BOP1: variants seen among roughly 807,000 people sequenced by gnomAD.
The protein encoded by BOP1 is BOP1 ribosomal biogenesis factor, also known as ribosome biogenesis protein BOP1.
BOP1 carries 54 observed loss-of-function variants against 82.9 expected under a neutral mutation model. That is an observed-to-expected ratio of 0.65 (90% CI 0.52 to 0.82). The LOEUF (loss-of-function observed/expected upper bound fraction) is 0.82, where lower values mean the gene tolerates loss of function less well. Among genes scored for constraint, BOP1 ranks in the 40% least tolerant of loss-of-function variants. The pLI, the probability that BOP1 is intolerant of heterozygous loss-of-function variation, is 0.00. For missense variants in BOP1, 1,170 were observed against 1,072.0 expected, an observed-to-expected ratio of 1.09 and a Z score of -1.28; for synonymous variants, 566 against 451.1, an observed-to-expected ratio of 1.25 and a Z score of -3.23.
chr8:144,270,461 G>A (rs1439397329), intron 3 of BOP1, among the ~76,000 whole-genome samples: 9 of 152,142 alleles, frequency 5.9e-5, no homozygotes, highest in East Asian at 1.9e-4. Flanking sequence ...CAAGCCCTCC[G>A]CTGCGGGCCT....
At position 144,263,740 on chromosome 8, in the gene BOP1, G is replaced by C; in HGVS notation, c.1243C>G (p.Leu415Val). 13 of 1,580,284 alleles carry C rather than the reference G, an allele frequency of 8.2e-6. No individual in the cohort carries two copies. Among genetic ancestry groups the C allele is most frequent in the Non-Finnish European group, 1.1e-5 (13 of 1,164,468 alleles). The change falls in exon 10 of 16, where the codon CTT becomes GTT. Residue 415 changes from leucine (L) to valine (V), a missense_variant. Physicochemically the swap from Leu to Val is conservative, Grantham distance 32. Coordinates refer to ENST00000569669, the MANE Select transcript of BOP1 (RefSeq NM_015201.5). ...QALVYRGHSD[L>V]VRCLSVSPGG... is the part of the protein sequence containing the mutation. Reference sequence around the variant, plus strand: ...GGAGAGACACTGAGGCACCGGACAAGGTCACTGTGGCCCCTGTAGACCTGA... The same window carrying C: ...GGAGAGACACTGAGGCACCGGACAACGTCACTGTGGCCCCTGTAGACCTGA...
At chr8:144,289,899 TGATA>T (rs1361785304) in intron 1 of BOP1, among the ~76,000 whole-genome samples, 2 of 152,192 alleles carry the variant, frequency 1.3e-5, no homozygotes, top group Non-Finnish European at 2.9e-5. Context: ...GTCACAGGAA[TGATA>T]GAGACTCTAA....
Position 144,263,279 on chromosome 8 carries a change from A to G in BOP1, c.1547T>C (p.Leu516Pro). Residue 516 changes from leucine to proline, a missense_variant, in exon 12 of 16, where the codon CTG becomes CCG. Transcript: ENST00000569669. The stretch of plus-strand genomic sequence containing the variant: ...TTGGCGCTCCTCCTCTGAGGCCTCC[A>G]GCCAGCGGGCCGGCTGCAAGGGGGG... ...EEPPLQPARW[L>P]EASEEERQVG... is the part of the protein sequence containing the mutation. 1 of 1,594,614 alleles carries G rather than the reference A, an allele frequency of 6.3e-7. No homozygotes were observed. Among genetic ancestry groups the G allele is most frequent in the Non-Finnish European group, 8.5e-7 (1 of 1,179,080 alleles).
In BOP1 at chr8:144,289,151, C is replaced by T; in HGVS notation, c.253G>A (p.Ala85Thr). ...DEGDEEGEDG[A>T]LDDEGHSGIK... ...CCACTGTGGCCCTCGTCATCAAGGGCTCCGTCCTCTCCCTCCTCGTCGCCT... is the reference window on the plus strand; with the variant it reads ...CCACTGTGGCCCTCGTCATCAAGGGTTCCGTCCTCTCCCTCCTCGTCGCCT... The change falls in exon 2 of 16, where the codon GCC (alanine) becomes ACC (threonine). Residue 85 changes from alanine (A) to threonine (T), a missense_variant. Transcript: ENST00000569669. 8 of 1,614,174 alleles carry T rather than the reference C, an allele frequency of 5.0e-6. No individual in the cohort carries two copies. The highest frequency in any genetic ancestry group is 5.1e-6 in the Non-Finnish European group (6 of 1,180,032).
chr8:144,291,226 G>A lies in BOP1; in HGVS notation c.99+46C>T, dbSNP rs1554840164. 2.2e-6 allele frequency: 3 copies of A among 1,386,906 alleles called. No homozygotes were observed. Among genetic ancestry groups the A allele is most frequent in the South Asian group, 1.5e-5 (1 of 67,106 alleles). 85.9% of individuals were successfully genotyped at this position (1,386,906 alleles called of 1,614,324 possible). A position where few individuals can be genotyped will look rare whatever the true frequency, so the allele number is the denominator to read the frequency against. The stretch of plus-strand genomic sequence containing the variant: ...GCCCCAGCGCGGCCACGTGCCCGCC[G>A]GGCCCTCTAGGGACGCGCCCCGCCG... On this transcript the variant is annotated intron_variant, in intron 1 of 15. Transcript: ENST00000569669. This position sits in a 1 kb window ranked among gnomAD's most constrained non-coding sequence, Gnocchi z 4.1.
rs1554836771 is a variant in BOP1, at chr8:144,263,230, G to C, written c.1596C>G (p.Cys532Trp). ...ERQVGLRLRI[C>W]HGKPVTQVTW... ...AAGGCGCCCCACGTACCTTCCCGTG[G>C]CAGATGCGCAGCCGCAGGCCCACTT... The change falls in exon 12 of 16, where the codon TGC becomes TGG. Residue 532 changes from cysteine to tryptophan, a missense_variant. Transcript: ENST00000569669. 6.3e-7 allele frequency: 1 copy of C among 1,594,686 alleles called. No homozygotes were observed. Among genetic ancestry groups the C allele is most frequent in the African/African-American group, 1.3e-5 (1 of 74,816 alleles).
chr8:144,264,995 C>T lies in BOP1; in HGVS notation c.467G>A (p.Gly156Asp). The change falls in exon 4 of 16, where the codon GGC becomes GAC. Residue 156 changes from glycine (G) to aspartate (D), a missense_variant. Physicochemically the swap from Gly to Asp is moderately conservative, Grantham distance 94. Transcript: ENST00000569669. ...DFPHVGYDLDGRRIYKPLRTR... is the reference protein window; with the variant it reads ...DFPHVGYDLDDRRIYKPLRTR... ...CCGCAGGGGCTTGTAGATGCGCCTG[C>T]CATCCAGGTCGTAGCCCACGTGGGG... The T allele has an allele frequency of 6.2e-7, 1 of 1,612,408 alleles. No individual in the cohort carries two copies. The highest frequency in any genetic ancestry group is 1.3e-5 in the African/African-American group (1 of 75,020).
intron 3 of BOP1, among the ~76,000 whole-genome samples, chr8:144,273,115 G>T (rs2130231620): frequency 6.6e-6 from 1 of 152,290 alleles, no homozygotes; most frequent in East Asian, 1.9e-4. Context: ...CTGAGCCGAG[G>T]CCGCGCCGCC....
In BOP1 at chr8:144,263,566, G is replaced by A. The variant is rs914506462; in HGVS notation, c.1336C>T (p.Arg446Cys). 3.4e-5 allele frequency: 55 copies of A among 1,602,632 alleles called. No individual in the cohort carries two copies. Among genetic ancestry groups the A allele is most frequent in the East Asian group, 2.5e-4 (11 of 44,864 alleles). The change falls in exon 11 of 16, where the codon CGC becomes TGC. Residue 446 changes from arginine (R) to cysteine (C), a missense_variant. By Grantham distance (180) the Arg-to-Cys change is radical (BLOSUM62 -3). Coordinates refer to ENST00000569669, the MANE Select transcript of BOP1 (RefSeq NM_015201.5). ...SLRLWEVATA[R>C]CVRTVPVGGV... ...CCCACGGGAACAGTCCTCACACAGC[G>A]GGCAGTGGCCACCTCCCAGAGCCGC... is the stretch of plus-strand genomic sequence containing the variant.
chr8:144,264,761 G>T lies in BOP1; in HGVS notation c.616C>A (p.Arg206=). 6.2e-7 allele frequency: 1 copy of T among 1,600,682 alleles called. No homozygotes were observed. Among genetic ancestry groups the T allele is most frequent in the Non-Finnish European group, 8.5e-7 (1 of 1,174,932 alleles). The stretch of plus-strand genomic sequence containing the variant: ...TCCCCAAACTGGCCACTCTGCAGCC[G>T]CCGCACCAGGGCCACCTGCTCATCC... ...LTDEQVALVR[R]LQSGQFGDVG... is the part of the protein sequence containing the mutation. The change falls in exon 5 of 16, where the codon CGG becomes AGG. Residue 206 remains arginine, a synonymous_variant. Coordinates refer to ENST00000569669, the MANE Select transcript of BOP1 (RefSeq NM_015201.5).
At chr8:144,265,780 C>G (rs1462993154) in intron 3 of BOP1, 1 of 153,766 alleles carries the variant, frequency 6.5e-6, no homozygotes, top group Non-Finnish European at 1.4e-5. Context: ...CTTCCCTCTC[C>G]TCCCCATGGA....
Position 144,264,698 on chromosome 8 carries a change from A to G in BOP1, c.663+16T>C. 6.4e-7 allele frequency: 1 copy of G among 1,566,076 alleles called. No individual in the cohort carries two copies. Among genetic ancestry groups the G allele is most frequent in the Non-Finnish European group, 8.6e-7 (1 of 1,156,116 alleles). On this transcript the variant is annotated intron_variant, in intron 5 of 15. Transcript: ENST00000569669. ...CCAGGACCCCCGCCGCCCAGGGGCC[A>G]GCCCCTGCCACCTACCTCATAGGGG...
intron 2 of BOP1, among the ~76,000 whole-genome samples, chr8:144,280,578 C>A (rs371608987): frequency 1.2e-4 from 19 of 152,374 alleles, no homozygotes; most frequent in African/African-American, 4.1e-4. Flanking sequence ...GAAGGCCGGG[C>A]CCAGTGGCTC....
At chr8:144,273,578 C>T (rs1346524357) in intron 3 of BOP1, among the ~76,000 whole-genome samples, 1 of 152,254 alleles carries the variant, frequency 6.6e-6, no homozygotes, top group Non-Finnish European at 1.5e-5. Context: ...CCTGAGCAGC[C>T]ACCCGGCCTC....
chr8:144,272,147 G>A (rs948642126), intron 3 of BOP1, among the ~76,000 whole-genome samples: 3 of 151,982 alleles, frequency 2.0e-5, no homozygotes, highest in Non-Finnish European at 1.5e-5. Flanking sequence ...CACAGGCTTG[G>A]GGCATGACAC....
chr8:144,265,245 C>T, intron 3 of BOP1, 174 bp from the exon 4 acceptor site: 2 of 746,944 alleles, frequency 2.7e-6, no homozygotes, highest in East Asian at 2.7e-5. Flanking sequence ...TCTGACGTGG[C>T]ATGGCGGCCA....
chr8:144,263,599 C>T lies in BOP1; in HGVS notation c.1303G>A (p.Gly435Ser), dbSNP rs933163282. Residue 435 changes from glycine to serine, a missense_variant, in exon 11 of 16, where the codon GGC becomes AGC. Gly to Ser is a moderately conservative substitution (Grantham distance 56). Coordinates refer to ENST00000569669, the MANE Select transcript of BOP1 (RefSeq NM_015201.5). ...GCCACCTCCCAGAGCCGCAGGGAGC[C>T]GTCGTCAGAGCCTGGATGCGGCAGA... ...GQWLVSGSDDGSLRLWEVATA... is the reference protein window; with the variant it reads ...GQWLVSGSDDSSLRLWEVATA... 1.8e-5 allele frequency: 29 copies of T among 1,606,868 alleles called. No individual in the cohort carries two copies. In the East Asian group the frequency reaches 2.9e-4, roughly 16 times the overall value.
rs1845299485 is a variant in BOP1 at position 144,263,990 on chromosome 8, G to C, written c.1131C>G (p.Arg377=). 6.2e-7 allele frequency: 1 copy of C among 1,609,520 alleles called. No homozygotes were observed. Among genetic ancestry groups the C allele is most frequent in the African/African-American group, 1.3e-5 (1 of 74,902 alleles). Residue 377 remains arginine, a synonymous_variant, in exon 8 of 16, where the codon CGC becomes CGG. Coordinates refer to ENST00000569669, the MANE Select transcript of BOP1 (RefSeq NM_015201.5). Reference sequence around the variant, plus strand: ...TGCCACCCCCACACACCCTCATCTTGCGCTGCCGTGGGCACAGGTACAGGT... The same window carrying C: ...TGCCACCCCCACACACCCTCATCTTCCGCTGCCGTGGGCACAGGTACAGGT... The part of the protein sequence containing the change: ...CLDLYLCPRQ[R]KMRVNVDPED...
intron 2 of BOP1, among the ~76,000 whole-genome samples, chr8:144,278,107 C>T (rs924598717): frequency 5.9e-5 from 9 of 152,128 alleles, no homozygotes; most frequent in Non-Finnish European, 1.0e-4. Flanking sequence ...GGGTCGGGCC[C>T]GATGGAGCAC....
Sources: gnomAD v4.1 joint callset for allele counts (sites outside exome capture counted in the v4.1 genomes callset) on GRCh38, gnomAD v4.1.1 for gene constraint, Gnocchi (gnomAD v3.1) non-coding constraint, MANE v1.5 for transcripts, NCBI Gene and HGNC (gene_info 2026-07-23, HGNC 2026-07-21) for gene names.